Variants in NBEA observed in about 807,000 individuals in gnomAD.
The protein encoded by NBEA is lysosomal-trafficking regulator 2.
Under a neutral mutation model 343.4 loss-of-function variants are expected in NBEA, and 44 were observed. That is an observed-to-expected ratio of 0.13 (90% CI 0.10 to 0.16). The LOEUF is 0.16. NBEA is among the 10% of genes least tolerant of loss of function. The pLI, the probability that NBEA is intolerant of heterozygous loss-of-function variation, is 1.00. For synonymous variants in NBEA, 1,175 were observed against 1,238.7 expected, an observed-to-expected ratio of 0.95 and a Z score of 1.08; for missense variants, 2,555 against 3,631.3, an observed-to-expected ratio of 0.70 and a Z score of 7.62.
Position 35,098,368 on chromosome 13 carries a change from GA to G in NBEA, c.1647del (p.Gly550AlafsTer3). 1 of 1,592,006 alleles carries G rather than the reference GA, an allele frequency of 6.3e-7. No homozygotes were observed. Among genetic ancestry groups the G allele is most frequent in the South Asian group, 1.1e-5 (1 of 87,182 alleles). On this transcript the variant is annotated frameshift_variant, in exon 11 of 59. Coordinates refer to ENST00000379939, the MANE Select transcript of NBEA (RefSeq NM_001385012.1). LOFTEE classifies it high-confidence loss of function. ...GCCATGCAAGAACAGATGCTGGGTG[GA>G]AAAGGCTTTTTAGTCATTGGCTACT... ...SVAMQEQMLG[G>X]KGFLVIGYLL...
chr13:35,114,991 G>A (rs1407863928), intron 13 of NBEA, among the ~76,000 whole-genome samples: 1 of 152,118 alleles, frequency 6.6e-6, no homozygotes, highest in African/African-American at 2.4e-5. Flanking sequence ...TGAGAAGTAG[G>A]ATATTTTTGC....
At chr13:35,039,287 CTCTT>C (rs1306330463) in intron 1 of NBEA, among the ~76,000 whole-genome samples, 2 of 151,942 alleles carry the variant, frequency 1.3e-5, no homozygotes, top group African/African-American at 4.8e-5. Context: ...TTTTCAGTGT[CTCTT>C]TCAGTGATAC....
intron 39 of NBEA, among the ~76,000 whole-genome samples, chr13:35,435,076 T>A (rs990038764): frequency 6.6e-6 from 1 of 152,184 alleles, no homozygotes; most frequent in Non-Finnish European, 1.5e-5. Flanking sequence ...TTGCCCAGGC[T>A]GGAGTGCAAT....
chr13:35,164,011 T>G (rs2069790530), intron 23 of NBEA, among the ~76,000 whole-genome samples: 1 of 152,158 alleles, frequency 6.6e-6, no homozygotes, highest in African/African-American at 2.4e-5. Context: ...ACTTTTTATA[T>G]TTAAAAGGTT....
Position 35,615,081 on chromosome 13 carries a change from A to C in NBEA, c.7449+8503A>C, listed in dbSNP as rs139690282. ...ATCGATCGCTTGAGACCAGGAGTTC[A>C]AGGACCAGCCTGGGCAACATGTTGA... On this transcript the variant is annotated intron_variant, in intron 48 of 58. Transcript: ENST00000379939. Among the ~76,000 whole-genome samples the C allele has an allele frequency of 2.2e-3, 325 of 149,688 alleles. 1 individual carries two copies. The highest frequency in any genetic ancestry group is 7.8e-3 in the African/African-American group (318 of 40,886).
rs2081033012 is a variant in NBEA, at chr13:35,581,488, ATTTG to A, written c.7036-2405_7036-2402del. On this transcript the variant is annotated intron_variant, in intron 45 of 58. Transcript: ENST00000379939. ...GGTGTTGTTTGTTTTTTTCTTGTAA[ATTTG>A]TTTGAGTTCATTGTAGATTCTGGAT... is the stretch of plus-strand genomic sequence containing the variant. 2.0e-5 allele frequency among the ~76,000 whole-genome samples: 3 copies of A among 151,812 alleles called. No individual in the cohort carries two copies. The South Asian group carries it at 6.2e-4, about 32-fold the overall frequency.
chr13:35,234,641 T>C (rs1470354189), intron 34 of NBEA, among the ~76,000 whole-genome samples: 1 of 152,194 alleles, frequency 6.6e-6, no homozygotes, highest in East Asian at 1.9e-4. Flanking sequence ...GGTAGTTGTG[T>C]ATACCTGGTC....
intron 38 of NBEA, among the ~76,000 whole-genome samples, chr13:35,375,835 CAGTT>C (rs1430174575): frequency 6.6e-6 from 1 of 152,034 alleles, no homozygotes; most frequent in East Asian, 1.9e-4. Flanking sequence ...CGTAATTTCT[CAGTT>C]ACTTTCTAAA....
intron 41 of NBEA, among the ~76,000 whole-genome samples, chr13:35,546,761 G>T (rs1314931166): frequency 6.6e-6 from 1 of 151,886 alleles, no homozygotes; most frequent in Non-Finnish European, 1.5e-5. Context: ...CGCCATATTG[G>T]CCAGGCTGGT....
At chr13:35,649,537 T>A in intron 51 of NBEA, 118 bp from the exon 52 acceptor site, 1 of 833,076 alleles carries the variant, frequency 1.2e-6, no homozygotes. Context: ...TAGGTGGCTT[T>A]TCCTCCTTGT....
chr13:35,057,183 C>T (rs2063300337), intron 7 of NBEA, among the ~76,000 whole-genome samples: 1 of 152,128 alleles, frequency 6.6e-6, no homozygotes, highest in Non-Finnish European at 1.5e-5. Flanking sequence ...TTTATAAGAA[C>T]TTACCTCTTA....
At chr13:35,163,471 G>GT (rs1201507404) in intron 23 of NBEA, among the ~76,000 whole-genome samples, 6 of 151,902 alleles carry the variant, frequency 3.9e-5, no homozygotes, top group African/African-American at 1.5e-4. Flanking sequence ...GCAAGACCCT[G>GT]TTTTTACAAA....
chr13:35,070,662 A>G, intron 9 of NBEA, 57 bp from the exon 10 acceptor site: 1 of 1,427,492 alleles, frequency 7.0e-7, no homozygotes, highest in Middle Eastern at 2.6e-4. Context: ...GGAACAAGGA[A>G]ATAGTGATGA....
chr13:35,052,470 CA>C (rs1566213321), intron 6 of NBEA, among the ~76,000 whole-genome samples: 1 of 151,926 alleles, frequency 6.6e-6, no homozygotes, highest in Non-Finnish European at 1.5e-5. Context: ...ATTTATAATA[CA>C]TATCTTGTGG....
At chr13:34,983,386 G>T (rs1256702904) in intron 1 of NBEA, among the ~76,000 whole-genome samples, 1 of 152,132 alleles carries the variant, frequency 6.6e-6, no homozygotes, top group Non-Finnish European at 1.5e-5. Flanking sequence ...GTATCCCATG[G>T]TGTATATGTG....
At chr13:35,582,927 C>T (rs540808602) in intron 45 of NBEA, among the ~76,000 whole-genome samples, 3 of 152,012 alleles carry the variant, frequency 2.0e-5, no homozygotes, top group African/African-American at 4.8e-5. Context: ...ATTAAGCCTT[C>T]GAGGGATCTT....
chr13:34,992,263 T>TA (rs1555269591), intron 1 of NBEA, among the ~76,000 whole-genome samples: 2,755 of 97,230 alleles, frequency 0.028, 41 homozygotes, highest in Non-Finnish European at 0.04. Context: ...TATATATATA[T>TA]TTTTTTTTTT....
At chr13:35,357,756 G>A (rs1340178877) in intron 38 of NBEA, among the ~76,000 whole-genome samples, 1 of 151,942 alleles carries the variant, frequency 6.6e-6, no homozygotes, top group African/African-American at 2.4e-5. Context: ...CCTTCCTGAT[G>A]TTCACCTTTT....
At chr13:35,376,460 A>G (rs912104652) in intron 38 of NBEA, among the ~76,000 whole-genome samples, 3 of 152,208 alleles carry the variant, frequency 2.0e-5, no homozygotes, top group African/African-American at 4.8e-5. Context: ...AAATATAATT[A>G]TAGTGTTACT....
Sources: allele counts gnomAD v4.1 joint callset (sites outside exome capture counted in the v4.1 genomes callset), GRCh38; gene constraint gnomAD v4.1.1; transcripts MANE v1.5; gene names NCBI Gene and HGNC (gene_info 2026-07-23, HGNC 2026-07-21).